Variants in MND1 observed in about 807,000 individuals in gnomAD.
MND1 encodes the protein meiotic nuclear division protein 1 homolog.
Under a neutral mutation model 35.1 loss-of-function variants are expected in MND1, and 28 were observed. That is an observed-to-expected ratio of 0.80 (90% confidence interval 0.59 to 1.09). MND1 has a LOEUF of 1.09. MND1 is among the 50% of genes least tolerant of loss of function. The probability of loss-of-function intolerance (pLI) is 0.00; values close to 1 mark genes in which losing one functional copy is unlikely to be tolerated. For synonymous variants in MND1, 69 were observed against 70.5 expected (o/e 0.98, Z 0.11); for missense variants, 213 against 239.6 (o/e 0.89, Z 0.73).
intron 4 of MND1, among the ~76,000 whole-genome samples, chr4:153,379,361 A>G (rs1728605525): frequency 1.3e-5 from 2 of 151,540 alleles, no homozygotes; most frequent in South Asian, 2.1e-4. Flanking sequence ...TACATATTCT[A>G]TTTTAAAATA....
chr4:153,406,386 G>A (rs1464662508), intron 6 of MND1, among the ~76,000 whole-genome samples: 2 of 152,112 alleles, frequency 1.3e-5, no homozygotes, highest in East Asian at 3.9e-4. Context: ...GCCGGGTGTG[G>A]TGGCACACAC....
chr4:153,352,480 T>C (rs1310514591), intron 2 of MND1, among the ~76,000 whole-genome samples: 1 of 152,188 alleles, frequency 6.6e-6, no homozygotes, highest in Non-Finnish European at 1.5e-5. Flanking sequence ...TTTCTTCATC[T>C]CTTAAAGAAG....
At chr4:153,389,803 A>G (rs191202629) in intron 4 of MND1, among the ~76,000 whole-genome samples, 1 of 152,332 alleles carries the variant, frequency 6.6e-6, no homozygotes, top group East Asian at 1.9e-4. Context: ...TGTGAGCTAG[A>G]TAATATTTTT....
intron 4 of MND1, among the ~76,000 whole-genome samples, chr4:153,393,340 T>G (rs554028543): frequency 6.6e-6 from 1 of 151,818 alleles, no homozygotes; most frequent in Non-Finnish European, 1.5e-5. Context: ...ATAAAAGATT[T>G]TTTTGGATTT....
At chr4:153,413,088 C>T (rs1362701122) in intron 7 of MND1, among the ~76,000 whole-genome samples, 1 of 152,064 alleles carries the variant, frequency 6.6e-6, no homozygotes, top group African/African-American at 2.4e-5. Context: ...TTAGGGCCCA[C>T]CCCAATGACC....
At chr4:153,413,127 A>T (rs1279864731) in intron 7 of MND1, among the ~76,000 whole-genome samples, 1 of 152,072 alleles carries the variant, frequency 6.6e-6, no homozygotes, top group African/African-American at 2.4e-5. Flanking sequence ...CTCTTTAAAG[A>T]TCTGTTTCAA....
At chr4:153,384,853 G>A (rs1561070151) in intron 4 of MND1, among the ~76,000 whole-genome samples, 1 of 152,028 alleles carries the variant, frequency 6.6e-6, no homozygotes, top group African/African-American at 2.4e-5. Flanking sequence ...TTATTTCCAG[G>A]TTCTTAATGT....
intron 1 of MND1, 25 bp downstream of exon 1, chr4:153,344,765 C>T (rs1773029133): frequency 1.9e-6 from 3 of 1,600,030 alleles, no homozygotes; most frequent in African/African-American, 2.7e-5. Flanking sequence ...TACGGTCCCG[C>T]GTCTTCTTCC....
intron 4 of MND1, among the ~76,000 whole-genome samples, chr4:153,371,045 G>T (rs1399548136): frequency 1.3e-5 from 2 of 152,028 alleles, no homozygotes; most frequent in Non-Finnish European, 2.9e-5. Flanking sequence ...ATCTTCCTCA[G>T]AGTTCTTGGG....
intron 4 of MND1, among the ~76,000 whole-genome samples, chr4:153,364,098 G>T (rs190564142): frequency 8.5e-5 from 13 of 152,142 alleles, no homozygotes; most frequent in African/African-American, 2.4e-4. Flanking sequence ...TTTCAAAAGA[G>T]AATAATAAGT....
At chr4:153,378,827 C>T (rs560053267) in intron 4 of MND1, among the ~76,000 whole-genome samples, 1 of 152,296 alleles carries the variant, frequency 6.6e-6, no homozygotes, top group South Asian at 2.1e-4. Flanking sequence ...GCCCAATCCA[C>T]ATTCCTTATC....
intron 4 of MND1, among the ~76,000 whole-genome samples, chr4:153,370,131 G>C (rs1282393676): frequency 6.6e-6 from 1 of 151,702 alleles, no homozygotes; most frequent in Non-Finnish European, 1.5e-5. Context: ...AAAATACAAA[G>C]ATCAGCCGGA....
In MND1 at chr4:153,387,629, G is replaced by A. The variant is rs192179037; in HGVS notation, c.277-6633G>A. Among the ~76,000 whole-genome samples the A allele has an allele frequency of 4.6e-4, 70 of 152,116 alleles. 1 individual carries two copies. The highest frequency in any genetic ancestry group is 3.9e-3 in the Admixed American group (60 of 15,262). On this transcript the variant is annotated intron_variant, in intron 4 of 7. Coordinates refer to ENST00000240488, the MANE Select transcript of MND1 (RefSeq NM_032117.4). Reference sequence around the variant, plus strand: ...GAAAAATAAAAAAATTAGCTGGCATGGTGGTGCCTACCTGTAGTCGTAGCT... The same window carrying A: ...GAAAAATAAAAAAATTAGCTGGCATAGTGGTGCCTACCTGTAGTCGTAGCT...
intron 6 of MND1, among the ~76,000 whole-genome samples, chr4:153,403,425 C>G (rs1030840225): frequency 3.3e-5 from 5 of 152,162 alleles, no homozygotes; most frequent in Non-Finnish European, 7.3e-5. Context: ...AGGTTTAGTC[C>G]AAGTGTTTAA....
intron 2 of MND1, among the ~76,000 whole-genome samples, chr4:153,351,606 A>T (rs192121836): frequency 6.6e-6 from 1 of 152,270 alleles, no homozygotes; most frequent in African/African-American, 2.4e-5. Context: ...TTGCTTCAAC[A>T]TCTCAAAGCA....
chr4:153,393,827 ACT>A (rs557848641), intron 4 of MND1, among the ~76,000 whole-genome samples: 2 of 147,024 alleles, frequency 1.4e-5, no homozygotes, highest in Non-Finnish European at 3.0e-5. Flanking sequence ...TGTTTTTTAA[ACT>A]CTTTTTTTTT....
chr4:153,365,619 A>G (rs1278207142), intron 4 of MND1, among the ~76,000 whole-genome samples: 1 of 151,430 alleles, frequency 6.6e-6, no homozygotes, highest in Admixed American at 6.6e-5. Flanking sequence ...TCTTTTTAAG[A>G]GATGGGGTCT....
chr4:153,409,067 A>T (rs1382924984), intron 7 of MND1, 52 bp downstream of exon 7: 1 of 1,097,658 alleles, frequency 9.1e-7, no homozygotes. Context: ...CTTCACACTT[A>T]CTGCGACGTG....
chr4:153,380,076 G>T (rs1728629966), intron 4 of MND1, among the ~76,000 whole-genome samples: 1 of 3,018 alleles, frequency 3.3e-4, no homozygotes, highest in Non-Finnish European at 4.8e-4. Flanking sequence ...AAATTAAATG[G>T]TCTGTGGTAT....
Sources: gnomAD v4.1 joint callset for allele counts (sites outside exome capture counted in the v4.1 genomes callset) on GRCh38, gnomAD v4.1.1 for gene constraint, MANE v1.5 for transcripts, NCBI Gene and HGNC (gene_info 2026-07-23, HGNC 2026-07-21) for gene names.